EEPD1: variants seen among roughly 807,000 people sequenced by gnomAD.
EEPD1 encodes endonuclease/exonuclease/phosphatase family domain containing 1.
A neutral mutation model predicts 46.3 loss-of-function variants in EEPD1; 17 were observed. The observed-to-expected ratio is 0.37, with a 90% CI of 0.25 to 0.55. The LOEUF is 0.55. Ranked by LOEUF, EEPD1 falls within the 20% of genes least tolerant of loss-of-function variation. EEPD1 has a pLI of 0.83. For synonymous variants in EEPD1, 313 were observed against 315.6 expected (o/e 0.99, Z 0.09); for missense variants, 673 against 745.6 (o/e 0.90, Z 1.13).
At chr7:36,237,202 G>A (rs779379073) in intron 2 of EEPD1, among the ~76,000 whole-genome samples, 9 of 152,256 alleles carry the variant, frequency 5.9e-5, no homozygotes, top group Non-Finnish European at 7.4e-5. Context: ...AAGAAACTCC[G>A]AACACGTCCA....
intron 3 of EEPD1, among the ~76,000 whole-genome samples, chr7:36,240,331 C>T (rs1786536386): frequency 2.0e-5 from 3 of 152,144 alleles, no homozygotes; most frequent in Admixed American, 2.0e-4. Context: ...CAAATAAAGT[C>T]TTTAAAATGA....
At chr7:36,183,888 T>TTG (rs3053348) in intron 2 of EEPD1, among the ~76,000 whole-genome samples, 74,601 of 135,470 alleles carry the variant, frequency 0.55, 23,776 homozygotes, top group Middle Eastern at 0.71. Context: ...TTTTTTTTTT[T>TTG]ATTTTTAAAA....
At chr7:36,155,935 TTC>T (rs1212298913) in intron 2 of EEPD1, among the ~76,000 whole-genome samples, 3 of 152,214 alleles carry the variant, frequency 2.0e-5, no homozygotes, top group Admixed American at 6.5e-5. Flanking sequence ...CTGTAGGAAT[TTC>T]TGTTAGCCTC....
chr7:36,281,344 G>A lies in EEPD1; in HGVS notation c.1041+119G>A. ...ATCCCCGGTTCAATTTTGTATTTCT[G>A]CCCAATTTTTAAATCCTTGCCATTC... On this transcript the variant is annotated intron_variant, in intron 4 of 7. Coordinates refer to ENST00000242108, the MANE Select transcript of EEPD1 (RefSeq NM_030636.3). 5.5e-6 allele frequency: 5 copies of A among 904,656 alleles called. No individual in the cohort carries two copies. The South Asian group carries it at 8.0e-5, about 14-fold the overall frequency. 56.0% of individuals were successfully genotyped at this position (904,656 alleles called of 1,614,324 possible). A position where few individuals can be genotyped will look rare whatever the true frequency, so the allele number is the denominator to read the frequency against.
At chr7:36,289,613 G>T (rs1787395092) in intron 6 of EEPD1, among the ~76,000 whole-genome samples, 1 of 152,220 alleles carries the variant, frequency 6.6e-6, no homozygotes, top group Non-Finnish European at 1.5e-5. Flanking sequence ...TCCTGCCTCA[G>T]CCTCCCGAGT....
At chr7:36,202,475 T>C (rs1323395513) in intron 2 of EEPD1, among the ~76,000 whole-genome samples, 1 of 152,084 alleles carries the variant, frequency 6.6e-6, no homozygotes, top group African/African-American at 2.4e-5. Context: ...CCAGAGCAAC[T>C]CACAACCAGG....
At chr7:36,283,570 G>A (rs976468618) in intron 4 of EEPD1, among the ~76,000 whole-genome samples, 5 of 152,276 alleles carry the variant, frequency 3.3e-5, no homozygotes, top group South Asian at 2.1e-4. Flanking sequence ...TGAGTGGGTC[G>A]CCCAGGGTCC....
rs60706978 is a variant in EEPD1 at position 36,296,694 on chromosome 7, C to CTTTTTTTTT, written c.1316-284_1316-276dup. Among the ~76,000 whole-genome samples, 17 of 83,128 alleles carry CTTTTTTTTT rather than the reference C, an allele frequency of 2.0e-4. 1 individual carries two copies. In the South Asian group the frequency reaches 2.2e-3, roughly 11 times the overall value. 54.5% of individuals were successfully genotyped at this position (83,128 alleles called of 152,430 possible). ...AAATATTTGGGTAAGACCCTTAGGTCTTTTTTTTTTTTTTTTTTTTTTTGT... is the reference window on the plus strand; with the variant it reads ...AAATATTTGGGTAAGACCCTTAGGTCTTTTTTTTTTTTTTTTTTTTTTTTTTTTTTTTGT... On this transcript the variant is annotated intron_variant, in intron 6 of 7. Coordinates refer to ENST00000242108, the MANE Select transcript of EEPD1 (RefSeq NM_030636.3).
chr7:36,283,405 G>A (rs1435250209), intron 4 of EEPD1, among the ~76,000 whole-genome samples: 2 of 152,162 alleles, frequency 1.3e-5, no homozygotes, highest in Non-Finnish European at 2.9e-5. Flanking sequence ...GGGAGCCCCT[G>A]AAGGCTTTTG....
intron 2 of EEPD1, among the ~76,000 whole-genome samples, chr7:36,172,896 G>C (rs939670015): frequency 1.1e-4 from 16 of 151,940 alleles, no homozygotes; most frequent in Non-Finnish European, 1.6e-4. Context: ...CTGAAGGCTG[G>C]GGGGTGGGGA....
At position 36,206,469 on chromosome 7, in the gene EEPD1, G is replaced by A. The variant is rs781532186; in HGVS notation, c.879-32516G>A. ...TTCAACATCTCAACTCAGATCTGCC[G>A]TATTTCAGGTGCCCAGTGGCCACAT... On this transcript the variant is annotated intron_variant, in intron 2 of 7. Transcript: ENST00000242108. 5.1e-4 allele frequency among the ~76,000 whole-genome samples: 77 copies of A among 152,124 alleles called. No homozygotes were observed. The Middle Eastern group carries it at 0.014, about 27-fold the overall frequency.
At chr7:36,262,647 A>G (rs1302051267) in intron 3 of EEPD1, among the ~76,000 whole-genome samples, 1 of 152,104 alleles carries the variant, frequency 6.6e-6, no homozygotes, top group African/African-American at 2.4e-5. Flanking sequence ...GGGAGCATGT[A>G]CAGTGTGTTT....
At chr7:36,207,196 T>C (rs914479253) in intron 2 of EEPD1, among the ~76,000 whole-genome samples, 16 of 152,160 alleles carry the variant, frequency 1.1e-4, no homozygotes, top group Admixed American at 3.9e-4. Context: ...TGGATTCTAG[T>C]GGAAGAGGAA....
chr7:36,292,252 G>T (rs1304877833), intron 6 of EEPD1, among the ~76,000 whole-genome samples: 1 of 152,148 alleles, frequency 6.6e-6, no homozygotes, highest in African/African-American at 2.4e-5. Context: ...CTTGCCCAAG[G>T]TCACGAAGCT....
chr7:36,254,494 A>G (rs1786798863), intron 3 of EEPD1, among the ~76,000 whole-genome samples: 2 of 152,308 alleles, frequency 1.3e-5, no homozygotes, highest in South Asian at 4.1e-4. Flanking sequence ...TCCATGGTAT[A>G]TATGTGCCAC....
intron 2 of EEPD1, among the ~76,000 whole-genome samples, chr7:36,195,024 C>T (rs1212944979): frequency 1.3e-5 from 2 of 152,228 alleles, no homozygotes; most frequent in Non-Finnish European, 2.9e-5. Context: ...CTCTTGGATC[C>T]ACATCCTCTT....
chr7:36,223,264 T>C (rs956736938), intron 2 of EEPD1, among the ~76,000 whole-genome samples: 1 of 152,184 alleles, frequency 6.6e-6, no homozygotes. Flanking sequence ...CACTATTGCA[T>C]GCTGGGTGGA....
rs191169821 is a variant in EEPD1 at position 36,185,927 on chromosome 7, A to G, written c.878+30725A>G. On this transcript the variant is annotated intron_variant, in intron 2 of 7. Transcript: ENST00000242108. ...CATAAATCAGAATATCTCTTTGCCA[A>G]CTGTTGAAAGGGCCCATTTAACACT... Among the ~76,000 whole-genome samples the G allele has an allele frequency of 1.8e-4, 28 of 152,310 alleles. 1 individual carries two copies. Among genetic ancestry groups the G allele is most frequent in the Admixed American group, 1.3e-3 (20 of 15,298 alleles).
intron 2 of EEPD1, among the ~76,000 whole-genome samples, chr7:36,199,352 C>T (rs112219743): frequency 0.016 from 2,442 of 152,222 alleles, 67 homozygotes; most frequent in African/African-American, 0.055. Context: ...TTATGGAAAG[C>T]TCATTACCTG....
Sources: gnomAD v4.1 joint callset for allele counts (sites outside exome capture counted in the v4.1 genomes callset) on GRCh38, gnomAD v4.1.1 for gene constraint, MANE v1.5 for transcripts, NCBI Gene and HGNC (gene_info 2026-07-23, HGNC 2026-07-21) for gene names.